The following BCL7C variants were observed in gnomAD, a reference collection of about 807,000 sequenced individuals.
The protein encoded by BCL7C is B-cell CLL/lymphoma 7 protein family member C.
Under a neutral mutation model 26.2 loss-of-function variants are expected in BCL7C, and 8 were observed. The ratio of observed to expected loss-of-function variants is 0.30; its 90% CI spans 0.18 to 0.55. The LOEUF is 0.55. Ranked by LOEUF, BCL7C falls within the 20% of genes least tolerant of loss-of-function variation. The pLI, the probability that BCL7C is intolerant of heterozygous loss-of-function variation, is 0.93. For synonymous variants in BCL7C, 90 were observed against 116.5 expected, an observed-to-expected ratio of 0.77 and a Z score of 1.47; for missense variants, 262 against 298.5, an observed-to-expected ratio of 0.88 and a Z score of 0.90.
intron 5 of BCL7C, among the ~76,000 whole-genome samples, chr16:30,862,916 T>C (rs920070051): frequency 1.3e-5 from 2 of 152,168 alleles, no homozygotes; most frequent in African/African-American, 2.4e-5. Context: ...GCTCCCACAC[T>C]AGCTCTCCCT....
intron 5 of BCL7C, among the ~76,000 whole-genome samples, chr16:30,882,695 C>G (rs1388392772): frequency 6.6e-6 from 1 of 152,152 alleles, no homozygotes; most frequent in Non-Finnish European, 1.5e-5. Flanking sequence ...CAGGAAGGTT[C>G]TAACTGGGGG....
At chr16:30,866,945 C>G (rs1158653700) in intron 5 of BCL7C, among the ~76,000 whole-genome samples, 3 of 152,020 alleles carry the variant, frequency 2.0e-5, no homozygotes, top group Non-Finnish European at 4.4e-5. Context: ...TCCCAACTAT[C>G]CAGAAGGCTG....
chr16:30,851,400 C>G (rs1258938135), intron 5 of BCL7C: 1 of 189,570 alleles, frequency 5.3e-6, no homozygotes, highest in Non-Finnish European at 1.1e-5. Flanking sequence ...GCTACCATAC[C>G]CAGCTAATTT....
chr16:30,838,659 C>T (rs554970218), intron 5 of BCL7C, among the ~76,000 whole-genome samples: 1 of 152,320 alleles, frequency 6.6e-6, no homozygotes, highest in East Asian at 1.9e-4. Context: ...TGGTGGCAGT[C>T]ACCTGTAGTC....
intron 5 of BCL7C, among the ~76,000 whole-genome samples, chr16:30,849,490 T>C (rs1038128473): frequency 6.6e-6 from 1 of 152,160 alleles, no homozygotes; most frequent in Non-Finnish European, 1.5e-5. Flanking sequence ...TTAGCTCTAT[T>C]GCCCAGGCTG....
chr16:30,837,504 C>T (rs902275018), intron 5 of BCL7C, among the ~76,000 whole-genome samples: 10 of 151,922 alleles, frequency 6.6e-5, no homozygotes, highest in East Asian at 1.9e-4. Flanking sequence ...CCCACCACCA[C>T]GCCCAGCTAA....
At chr16:30,878,275 A>C (rs1225283562) in intron 5 of BCL7C, among the ~76,000 whole-genome samples, 1 of 152,282 alleles carries the variant, frequency 6.6e-6, no homozygotes, top group Admixed American at 6.5e-5. Context: ...TCATGCCTGT[A>C]ATCCCAGCAC....
chr16:30,867,653 C>T (rs1008091165), intron 5 of BCL7C, among the ~76,000 whole-genome samples: 22 of 152,018 alleles, frequency 1.4e-4, no homozygotes, highest in African/African-American at 4.4e-4. Context: ...ATTAGCCAGG[C>T]GTGGTGGCGC....
intron 5 of BCL7C, among the ~76,000 whole-genome samples, chr16:30,881,155 G>C (rs2055037047): frequency 6.6e-6 from 1 of 152,162 alleles, no homozygotes; most frequent in African/African-American, 2.4e-5. Flanking sequence ...CCAGCACTTT[G>C]CAAGGCCCAG....
intron 5 of BCL7C, among the ~76,000 whole-genome samples, chr16:30,844,258 G>A (rs1259623389): frequency 1.4e-5 from 2 of 145,074 alleles, no homozygotes; most frequent in East Asian, 4.2e-4. Flanking sequence ...GCTGAGGCAG[G>A]AGAACTGCTT....
At chr16:30,841,243 G>A (rs2054600030) in intron 5 of BCL7C, among the ~76,000 whole-genome samples, 1 of 152,132 alleles carries the variant, frequency 6.6e-6, no homozygotes, top group Non-Finnish European at 1.5e-5. Flanking sequence ...GTTGTAGACT[G>A]AATGTATATC....
intron 5 of BCL7C, among the ~76,000 whole-genome samples, chr16:30,861,180 C>A (rs776928201): frequency 6.6e-6 from 1 of 152,132 alleles, no homozygotes; most frequent in South Asian, 2.1e-4. Flanking sequence ...GCCCTTTACT[C>A]GACATTAGAA....
intron 5 of BCL7C, among the ~76,000 whole-genome samples, chr16:30,871,886 C>G (rs1391060439): frequency 6.6e-6 from 1 of 152,088 alleles, no homozygotes; most frequent in Non-Finnish European, 1.5e-5. Flanking sequence ...CCCTAATCAT[C>G]CTGTCTGGAG....
chr16:30,893,363 G>T lies in BCL7C; in HGVS notation c.93-73C>A. ...ACCCCCCTAGGAGCTGGACACATCT[G>T]GGGGTACCTGCAGAGGTTGAGGAGG... On this transcript the variant is annotated intron_variant, in intron 1 of 5. Coordinates refer to ENST00000215115, the MANE Select transcript of BCL7C (RefSeq NM_004765.4). The surrounding 1 kb of genome is among the most constrained non-coding windows in gnomAD (Gnocchi z 5.2). 3 of 1,231,160 alleles carry T rather than the reference G, an allele frequency of 2.4e-6. No homozygotes were observed. Among genetic ancestry groups the T allele is most frequent in the Admixed American group, 2.1e-5 (1 of 46,626 alleles). 76.3% of individuals were successfully genotyped at this position (1,231,160 alleles called of 1,614,324 possible).
Position 30,834,819 on chromosome 16 carries a change from G to C in BCL7C, c.*129C>G. ...CTTAGGTTCGGGCAGGTGTGGGGCCGCTCGCCCTCCGATGTTACCGCGGTG... is the reference window on the plus strand; with the variant it reads ...CTTAGGTTCGGGCAGGTGTGGGGCCCCTCGCCCTCCGATGTTACCGCGGTG... On this transcript the variant is annotated 3_prime_UTR_variant, in exon 6 of 6. Transcript: ENST00000380317. The surrounding 1 kb of genome is among the most constrained non-coding windows in gnomAD (Gnocchi z 4.3). The C allele has an allele frequency of 1.0e-6, 1 of 954,788 alleles. No homozygotes were observed. Among genetic ancestry groups the C allele is most frequent in the Non-Finnish European group, 1.5e-6 (1 of 663,404 alleles). 59.1% of individuals were successfully genotyped at this position (954,788 alleles called of 1,614,324 possible). A position where few individuals can be genotyped will look rare whatever the true frequency, so the allele number is the denominator to read the frequency against.
In BCL7C at chr16:30,844,348, CAAAAAAAAA is replaced by C. The variant is rs55663737; in HGVS notation, c.529-9209_529-9201del. On this transcript the variant is annotated intron_variant, in intron 5 of 5. Transcript: ENST00000380317. ...CTGGTGACAGAGTGAGACTCCGTCT[CAAAAAAAAA>C]AAAAAAAAAAAAAAAAAGGGAAAAA... is the stretch of plus-strand genomic sequence containing the variant. Among the ~76,000 whole-genome samples, 14 of 73,404 alleles carry C rather than the reference CAAAAAAAAA, an allele frequency of 1.9e-4. No individual in the cohort carries two copies. The South Asian group carries it at 2.0e-3, about 10-fold the overall frequency. 48.2% of individuals were successfully genotyped at this position (73,404 alleles called of 152,430 possible).
At position 30,840,998 on chromosome 16, in the gene BCL7C, A is replaced by G. The variant is rs540017887; in HGVS notation, c.529-5850T>C. On this transcript the variant is annotated intron_variant, in intron 5 of 5. Transcript: ENST00000380317. The stretch of plus-strand genomic sequence containing the variant: ...GGGACACAGCCAAACCATATCAAAG[A>G]CCTTAATTAATGGTCTCCCTCATCT... Among the ~76,000 whole-genome samples the G allele has an allele frequency of 8.4e-4, 128 of 152,096 alleles. 1 individual carries two copies. The highest frequency in any genetic ancestry group is 3.0e-3 in the African/African-American group (125 of 41,488).
At chr16:30,835,112 C>G (rs1437818575) in exon 6 of BCL7C, 4 of 1,532,536 alleles carry the variant, frequency 2.6e-6, no homozygotes, top group Admixed American at 4.1e-5. Flanking sequence ...AGCCCCTTCT[C>G]GTGAAGGGCT....
intron 5 of BCL7C, among the ~76,000 whole-genome samples, chr16:30,864,853 C>T (rs1201114217): frequency 2.9e-5 from 4 of 137,664 alleles, no homozygotes; most frequent in Non-Finnish European, 6.3e-5. Context: ...CCCACCCCCC[C>T]ACCCTTAAGA....
Sources: allele counts gnomAD v4.1 joint callset (sites outside exome capture counted in the v4.1 genomes callset), GRCh38; gene constraint gnomAD v4.1.1; non-coding constraint Gnocchi (gnomAD v3.1); transcripts MANE v1.5; gene names NCBI Gene and HGNC (gene_info 2026-07-23, HGNC 2026-07-21).